The following RACGAP1 variants were observed in gnomAD, a reference collection of about 807,000 sequenced individuals.
RACGAP1 encodes rac GTPase-activating protein 1.
In RACGAP1, 30 loss-of-function variants were observed where a neutral mutation model predicts 78.1. That is an observed-to-expected ratio of 0.38 (90% confidence interval 0.29 to 0.52). The LOEUF (loss-of-function observed/expected upper bound fraction) is 0.52. Among genes scored for constraint, RACGAP1 ranks in the 20% least tolerant of loss-of-function variants. The probability of loss-of-function intolerance (pLI) is 0.82; values close to 1 mark genes in which losing one functional copy is unlikely to be tolerated. For synonymous variants in RACGAP1, 231 were observed against 264.8 expected, an observed-to-expected ratio of 0.87 and a Z score of 1.24; for missense variants, 587 against 777.1, an observed-to-expected ratio of 0.76 and a Z score of 2.91.
At chr12:50,001,348 GGGGATTA>G in intron 6 of RACGAP1, 96 bp from the exon 7 acceptor site, 2 of 905,572 alleles carry the variant, frequency 2.2e-6, no homozygotes, top group Admixed American at 4.3e-5. Flanking sequence ...TACAGGTCCT[GGGGATTA>G]GGGCTACAGT....
rs770360813 is a variant in RACGAP1 at position 50,005,371 on chromosome 12, G to A, written c.310C>T (p.Arg104Ter). Residue 104 changes from arginine (R) to a stop codon, truncating the protein, a stop_gained, in exon 4 of 17, where the codon CGA (arginine) becomes TGA (stop). Transcript: ENST00000312377. LOFTEE classifies it high-confidence loss of function. ...EKLERQIQLI[R>*]EMLMCDTSGS... Reference sequence around the variant, plus strand: ...GATGTGTCACACATGAGCATCTCTCGAATCAGCTGAATCTGTCGTTCCTAC... The same window carrying A: ...GATGTGTCACACATGAGCATCTCTCAAATCAGCTGAATCTGTCGTTCCTAC... 3.1e-6 allele frequency: 5 copies of A among 1,614,104 alleles called. No homozygotes were observed. The highest frequency in any genetic ancestry group is 1.1e-5 in the South Asian group (1 of 91,076).
rs146642147 is a variant in RACGAP1, at chr12:50,005,605, C to T, written c.289-213G>A. Reference sequence around the variant, plus strand: ...GTAAAATGAACTACATCTAGAACAGCGAAGTTTCTGCTACAAGACTTTTGG... The same window carrying T: ...GTAAAATGAACTACATCTAGAACAGTGAAGTTTCTGCTACAAGACTTTTGG... On this transcript the variant is annotated intron_variant, in intron 3 of 16. Transcript: ENST00000312377. Among the ~76,000 whole-genome samples the T allele has an allele frequency of 1.8e-3, 275 of 152,246 alleles. 1 individual carries two copies. Among genetic ancestry groups the T allele is most frequent in the African/African-American group, 6.3e-3 (263 of 41,554 alleles).
At chr12:49,999,075 T>A in intron 9 of RACGAP1, 66 bp downstream of exon 9, 1 of 1,503,674 alleles carries the variant, frequency 6.7e-7, no homozygotes, top group Non-Finnish European at 8.9e-7. Flanking sequence ...GTATTTAACT[T>A]TATTCCTGGT....
chr12:50,004,508 G>A (rs1303067143), intron 4 of RACGAP1, among the ~76,000 whole-genome samples: 1 of 152,166 alleles, frequency 6.6e-6, no homozygotes, highest in Admixed American at 6.5e-5. Flanking sequence ...ATGAGTACAG[G>A]TGCAACACAG....
At chr12:50,019,715 T>TAAATAAATAAAC (rs1949895087) in intron 1 of RACGAP1, 1 of 151,102 alleles carries the variant, frequency 6.6e-6, no homozygotes, top group African/African-American at 2.4e-5. Context: ...AATAAATAAA[T>TAAATAAATAAAC]AAATAAATAA....
At chr12:50,032,262 A>C (rs1360414433) in intron 1 of RACGAP1, among the ~76,000 whole-genome samples, 2 of 152,222 alleles carry the variant, frequency 1.3e-5, no homozygotes, top group Non-Finnish European at 2.9e-5. Flanking sequence ...AACACTCTGC[A>C]ATGCCTATTT....
intron 11 of RACGAP1, 37 bp from the exon 12 acceptor site, chr12:49,994,366 GA>G (rs1565660462): frequency 6.2e-7 from 1 of 1,612,726 alleles, no homozygotes; most frequent in East Asian, 2.2e-5. Flanking sequence ...AAAAACCTCC[GA>G]ATTAACACAA....
intron 2 of RACGAP1, among the ~76,000 whole-genome samples, chr12:50,006,870 G>C (rs1320974638): frequency 6.6e-6 from 1 of 152,170 alleles, no homozygotes; most frequent in Non-Finnish European, 1.5e-5. Flanking sequence ...GGCTTAGCCA[G>C]TGGCATCTGC....
In RACGAP1 at chr12:49,992,541, T is replaced by C; in HGVS notation, c.1445+9A>G. On this transcript the variant is annotated intron_variant, in intron 13 of 16. Coordinates refer to ENST00000312377, the MANE Select transcript of RACGAP1 (RefSeq NM_001319999.2). ...CCTAACTCCCAGAACAAGTTTCTGCTGTACTCACCTCTGCAAGTGAATCAT... is the reference window on the plus strand; with the variant it reads ...CCTAACTCCCAGAACAAGTTTCTGCCGTACTCACCTCTGCAAGTGAATCAT... 6.2e-7 allele frequency: 1 copy of C among 1,611,392 alleles called. No individual in the cohort carries two copies. Among genetic ancestry groups the C allele is most frequent in the Non-Finnish European group, 8.5e-7 (1 of 1,178,788 alleles).
At chr12:50,029,202 T>TGC, upstream of RACGAP1, among the ~76,000 whole-genome samples, 2 of 97,564 alleles carry the variant, frequency 2.0e-5, no homozygotes, top group Middle Eastern at 8.6e-3. Context: ...GGCGACAAAG[T>TGC]GAGACTCCAT....
At chr12:50,027,413 G>A (rs1019459819), upstream of RACGAP1, among the ~76,000 whole-genome samples, 4 of 152,188 alleles carry the variant, frequency 2.6e-5, no homozygotes, top group Non-Finnish European at 5.9e-5. Flanking sequence ...AAAAAAGCCT[G>A]CAGAGACTGA....
At position 49,992,253 on chromosome 12, in the gene RACGAP1, G is replaced by C. The variant is rs1947941686; in HGVS notation, c.1570C>G (p.Gln524Glu). The change falls in exon 14 of 17, where the codon CAA becomes GAA. Residue 524 changes from glutamine (Q) to glutamate (E), a missense_variant. Gln to Glu is a conservative substitution (Grantham distance 29). Coordinates refer to ENST00000312377, the MANE Select transcript of RACGAP1 (RefSeq NM_001319999.2). ...PVTMLQDIKR[Q>E]PKVVERLLSL... is the part of the protein sequence containing the mutation. ...CACACGCACCTGCCTACCTTGGGTT[G>C]ACGCTTGATGTCCTGTAACATTGTC... 6.2e-7 allele frequency: 1 copy of C among 1,614,030 alleles called. No homozygotes were observed. Among genetic ancestry groups the C allele is most frequent in the Non-Finnish European group, 8.5e-7 (1 of 1,180,012 alleles).
intron 8 of RACGAP1, 40 bp downstream of exon 8, chr12:49,999,576 T>C: frequency 6.4e-7 from 1 of 1,557,546 alleles, no homozygotes; most frequent in Non-Finnish European, 8.8e-7. Context: ...ATTTTGCTAG[T>C]TGTTTTACAC....
chr12:50,015,839 T>A (rs12313483), intron 2 of RACGAP1, among the ~76,000 whole-genome samples: 139 of 138,564 alleles, frequency 1.0e-3, no homozygotes, highest in African/African-American at 2.5e-3. Flanking sequence ...TAAAAAAAAA[T>A]TTTTTTTAAA....
At position 50,021,107 on chromosome 12, in the gene RACGAP1, C is replaced by T. The variant is rs1004966514; in HGVS notation, c.-5+4291G>A. On this transcript the variant is annotated intron_variant, in intron 1 of 16. Coordinates refer to ENST00000312377, the MANE Select transcript of RACGAP1 (RefSeq NM_001319999.2). ...AATAGTTGTAATTTTCCTGCTGGGT[C>T]ACATTTTCACCCTCATGAATACTTG... 62 of 983,958 alleles carry T rather than the reference C, an allele frequency of 6.3e-5. No homozygotes were observed. In the African/African-American group the frequency reaches 1.0e-3, roughly 17 times the overall value. The allele number at this position is 983,958 out of a possible 1,614,324, so 61.0% of individuals were successfully genotyped here.
intron 2 of RACGAP1, among the ~76,000 whole-genome samples, chr12:50,014,806 G>A (rs958783043): frequency 2.0e-5 from 3 of 151,954 alleles, no homozygotes; most frequent in Non-Finnish European, 4.4e-5. Flanking sequence ...ACTTTGGGAG[G>A]CTGTGGTGGG....
At chr12:50,019,530 A>G (rs1241796659) in intron 1 of RACGAP1, among the ~76,000 whole-genome samples, 1 of 152,140 alleles carries the variant, frequency 6.6e-6, no homozygotes, top group African/African-American at 2.4e-5. Context: ...TATAGTTTAA[A>G]GCAAAAAGAA....
intron 12 of RACGAP1, 59 bp downstream of exon 12, chr12:49,994,072 G>C: frequency 1.4e-6 from 2 of 1,421,664 alleles, no homozygotes; most frequent in Non-Finnish European, 1.9e-6. Context: ...AAAATAAAGA[G>C]AGTAAGAAAA....
intron 1 of RACGAP1, among the ~76,000 whole-genome samples, chr12:50,025,025 T>C (rs779639186): frequency 7.9e-5 from 12 of 151,712 alleles, no homozygotes; most frequent in South Asian, 2.1e-4. Flanking sequence ...CCCGGGCCTC[T>C]CAAACACCAG....
Sources: allele counts gnomAD v4.1 joint callset (sites outside exome capture counted in the v4.1 genomes callset), GRCh38; gene constraint gnomAD v4.1.1; transcripts MANE v1.5; gene names NCBI Gene and HGNC (gene_info 2026-07-23, HGNC 2026-07-21).